LYST: variants seen among roughly 807,000 people sequenced by gnomAD.
The protein encoded by LYST is lysosomal trafficking regulator.
LYST carries 192 observed loss-of-function variants against 413.6 expected under a neutral mutation model. That is an observed-to-expected ratio of 0.46 (90% CI 0.41 to 0.52). LYST has a LOEUF of 0.52. Ranked by LOEUF, LYST falls within the 20% of genes least tolerant of loss-of-function variation. The pLI is 0.00. For missense variants in LYST, 3,815 were observed against 4,499.9 expected (o/e 0.85, Z 4.35); for synonymous variants, 1,525 against 1,567.3 (o/e 0.97, Z 0.64).
In LYST at chr1:235,715,250, G is replaced by A. The variant is rs1662733167; in HGVS notation, c.9735C>T (p.His3245=). The change falls in exon 42 of 53, where the codon CAC becomes CAT. Residue 3245 remains histidine, a synonymous_variant. Transcript: ENST00000389793. ...TGAAAGGAGGCATCCTGACCAGGAA[G>A]TGAAGCACAGTGCCGCTATTGGAAT... is the stretch of plus-strand genomic sequence containing the variant. ...SHYSNSGTVL[H]FLVRMPPFTK... 1 of 1,613,926 alleles carries A rather than the reference G, an allele frequency of 6.2e-7. No homozygotes were observed. Among genetic ancestry groups the A allele is most frequent in the Admixed American group, 1.7e-5 (1 of 59,984 alleles).
Position 235,830,274 on chromosome 1 carries a change from A to G in LYST, c.144T>C (p.His48=), listed in dbSNP as rs781523694. 58 of 1,613,930 alleles carry G rather than the reference A, an allele frequency of 3.6e-5. 2 individuals are homozygous for G. The South Asian group carries it at 4.9e-4, about 14-fold the overall frequency. The change falls in exon 3 of 53, where the codon CAT becomes CAC. Residue 48 remains histidine (H), a synonymous_variant. Coordinates refer to ENST00000389793, the MANE Select transcript of LYST (RefSeq NM_000081.4). ...HMATLGQYLV[H]GRGFLLLTKL... The stretch of plus-strand genomic sequence containing the variant: ...TGGTAAGTAATAGAAATCCTCGACC[A>G]TGGACAAGGTACTGTCCAAGGGTTG...
At chr1:235,850,886 C>T (rs1166656620) in intron 1 of LYST, among the ~76,000 whole-genome samples, 2 of 152,012 alleles carry the variant, frequency 1.3e-5, no homozygotes, top group Admixed American at 6.6e-5. Context: ...TAGATGTTGG[C>T]ATGGACGTGG....
At chr1:235,734,030 A>G in intron 32 of LYST, 124 bp from the exon 33 acceptor site, 2 of 556,868 alleles carry the variant, frequency 3.6e-6, no homozygotes, top group Non-Finnish European at 6.3e-6. Context: ...TCCCTAGGAG[A>G]CCAGAATATT....
rs185117108 is a variant in LYST, at chr1:235,742,690, A to G, written c.8152-1062T>C. 2.5e-3 allele frequency among the ~76,000 whole-genome samples: 380 copies of G among 152,110 alleles called. 2 individuals carry two copies. Among genetic ancestry groups the G allele is most frequent in the Non-Finnish European group, 4.3e-3 (293 of 67,970 alleles). On this transcript the variant is annotated intron_variant, in intron 30 of 52. Transcript: ENST00000389793. The stretch of plus-strand genomic sequence containing the variant: ...AAATTATAAATTAAAAAAAAGCATC[A>G]AAGAACAATGATAAATAAGCCTACA...
At chr1:235,862,614 G>A (rs746687640) in intron 1 of LYST, among the ~76,000 whole-genome samples, 14 of 151,884 alleles carry the variant, frequency 9.2e-5, no homozygotes, top group Admixed American at 5.9e-4. Context: ...TGGGCAACAC[G>A]GTGAAACCCC....
intron 46 of LYST, among the ~76,000 whole-genome samples, chr1:235,694,020 T>TG: frequency 6.6e-6 from 1 of 150,680 alleles, no homozygotes; most frequent in African/African-American, 2.4e-5. Flanking sequence ...TCTTTTTTTT[T>TG]TTTTTTTGAG....
upstream of LYST, among the ~76,000 whole-genome samples, chr1:235,869,367 G>A (rs538060158): frequency 3.9e-5 from 6 of 152,304 alleles, no homozygotes; most frequent in East Asian, 1.2e-3. Flanking sequence ...AGCTAATCGA[G>A]AGGCTGAGGC....
At chr1:235,723,702 C>T (rs1357306248) in intron 39 of LYST, among the ~76,000 whole-genome samples, 1 of 152,202 alleles carries the variant, frequency 6.6e-6, no homozygotes, top group Non-Finnish European at 1.5e-5. Context: ...GCATATGCAA[C>T]TTTCCCCAAC....
At chr1:235,836,928 G>A (rs912889723) in intron 1 of LYST, among the ~76,000 whole-genome samples, 7 of 152,192 alleles carry the variant, frequency 4.6e-5, no homozygotes, top group South Asian at 2.1e-4. Flanking sequence ...TGGAACTAGT[G>A]AATCAATTTG....
chr1:235,730,832 T>C lies in LYST; in HGVS notation c.9044+15A>G, dbSNP rs765898748. ...ATATTCATGAAAGAGTGAAGGTCTA[T>C]TGATTCAAAGTTACCTTATAGATTC... On this transcript the variant is annotated intron_variant, in intron 36 of 52. Transcript: ENST00000389793. 6.9e-7 allele frequency: 1 copy of C among 1,452,902 alleles called. No individual in the cohort carries two copies. The highest frequency in any genetic ancestry group is 1.4e-5 in the African/African-American group (1 of 71,770). The allele number at this position is 1,452,902 out of a possible 1,614,324, so 90.0% of individuals were successfully genotyped here. A position where few individuals can be genotyped will look rare whatever the true frequency, so the allele number is the denominator to read the frequency against.
chr1:235,724,263 A>G (rs1478205118), intron 38 of LYST, 83 bp from the exon 39 acceptor site: 3 of 1,267,390 alleles, frequency 2.4e-6, no homozygotes, highest in East Asian at 2.5e-5. Flanking sequence ...AAAAGCATCA[A>G]AATAAAACAG....
chr1:235,746,544 A>G lies in LYST; in HGVS notation c.7781-17T>C. 6.3e-7 allele frequency: 1 copy of G among 1,581,206 alleles called. No homozygotes were observed. Among genetic ancestry groups the G allele is most frequent in the Non-Finnish European group, 8.7e-7 (1 of 1,152,774 alleles). ...TTCGAGGACCTTTAAAAGTATATAAATTAAAACATCAAATCCCAGTGTTAA... is the reference window on the plus strand; with the variant it reads ...TTCGAGGACCTTTAAAAGTATATAAGTTAAAACATCAAATCCCAGTGTTAA... On this transcript the variant is annotated splice_polypyrimidine_tract_variant and intron_variant, in intron 28 of 52. Transcript: ENST00000389793.
Position 235,662,858 on chromosome 1 carries a change from G to C in LYST, c.*82C>G, listed in dbSNP as rs2103003872. On this transcript the variant is annotated 3_prime_UTR_variant, in exon 53 of 53. Coordinates refer to ENST00000389793, the MANE Select transcript of LYST (RefSeq NM_000081.4). The stretch of plus-strand genomic sequence containing the variant: ...GTTTGTCCAGTCATCCATTTCTTTA[G>C]GTTCAACCTCCTAAAACTGGTGAAG... 5 of 824,460 alleles carry C rather than the reference G, an allele frequency of 6.1e-6. No homozygotes were observed. In the East Asian group the frequency reaches 1.2e-4, roughly 20 times the overall value. 51.1% of individuals were successfully genotyped at this position (824,460 alleles called of 1,614,324 possible). A position where few individuals can be genotyped will look rare whatever the true frequency, so the allele number is the denominator to read the frequency against.
chr1:235,712,780 A>G, intron 42 of LYST: 1 of 985,118 alleles, frequency 1.0e-6, no homozygotes, highest in Non-Finnish European at 1.2e-6. Flanking sequence ...GTGAATGAAA[A>G]TAAAAATAAG....
At chr1:235,866,513 G>A (rs1680540614) in intron 1 of LYST, among the ~76,000 whole-genome samples, 1 of 152,192 alleles carries the variant, frequency 6.6e-6, no homozygotes, top group South Asian at 2.1e-4. Context: ...GCTCGACCTC[G>A]CCCCCCGCGC....
chr1:235,680,134 G>C (rs1042788866), intron 48 of LYST, among the ~76,000 whole-genome samples: 10 of 151,652 alleles, frequency 6.6e-5, no homozygotes, highest in Non-Finnish European at 1.5e-4. Flanking sequence ...ATTTTATAAA[G>C]ATATATTTTT....
rs1187587312 is a variant in LYST, at chr1:235,771,913, G to GTT, written c.5785-1618_5785-1617dup. On this transcript the variant is annotated intron_variant, in intron 19 of 52. Transcript: ENST00000389793. ...CTAATAGATTAGAAAAGGTTTTTTA[G>GTT]TTTGTTTTTTTTTTTTTTTTTTTTT... Among the ~76,000 whole-genome samples, 302 of 95,068 alleles carry GTT rather than the reference G, an allele frequency of 3.2e-3. 5 individuals are homozygous for GTT. The highest frequency in any genetic ancestry group is 7.9e-3 in the African/African-American group (206 of 26,100). The allele number at this position is 95,068 out of a possible 152,430, so 62.4% of individuals were successfully genotyped here.
chr1:235,759,044 G>A lies in LYST; in HGVS notation c.6809C>T (p.Thr2270Ile). The A allele has an allele frequency of 6.2e-7, 1 of 1,614,086 alleles. No homozygotes were observed. ...ATAGGCAAAGTTTTCCCAATCATCAGTGTTTCTATCAACAAGACTTGGCCA... is the reference window on the plus strand; with the variant it reads ...ATAGGCAAAGTTTTCCCAATCATCAATGTTTCTATCAACAAGACTTGGCCA... Reference protein sequence around the residue: ...GRWPSLVDRNTDDWENFAYSL... With the variant: ...GRWPSLVDRNIDDWENFAYSL... The change falls in exon 23 of 53, where the codon ACT becomes ATT. Residue 2270 changes from threonine (T) to isoleucine (I), a missense_variant. Physicochemically the swap from Thr to Ile is moderately conservative, Grantham distance 89. Around this residue, in one of 4 missense-constraint regions of LYST, gnomAD observed 771 missense variants for 837.1 expected, o/e 0.92. Transcript: ENST00000389793.
intron 34 of LYST, among the ~76,000 whole-genome samples, chr1:235,732,964 G>A (rs1388979376): frequency 6.6e-6 from 1 of 152,022 alleles, no homozygotes; most frequent in East Asian, 1.9e-4. Flanking sequence ...TATTGCATTT[G>A]AGCTTAGAAA....
Sources: gnomAD v4.1 joint callset for allele counts (sites outside exome capture counted in the v4.1 genomes callset) on GRCh38, gnomAD v4.1.1 for gene constraint, gnomAD v4.1.1 regional missense constraint, MANE v1.5 for transcripts, NCBI Gene and HGNC (gene_info 2026-07-23, HGNC 2026-07-21) for gene names.